The following COL6A2 variants were observed in gnomAD, a reference collection of about 807,000 sequenced individuals.
COL6A2 encodes the protein collagen alpha-2(VI) chain.
COL6A2 carries 90 observed loss-of-function variants against 124.9 expected under a neutral mutation model. The ratio of observed to expected loss-of-function variants is 0.72; its 90% CI spans 0.61 to 0.86. COL6A2 has a LOEUF of 0.86. Among genes scored for constraint, COL6A2 ranks in the 40% least tolerant of loss-of-function variants. The probability of loss-of-function intolerance (pLI) is 0.00; values close to 1 mark genes in which losing one functional copy is unlikely to be tolerated. For missense variants in COL6A2, 1,607 were observed against 1,502.5 expected, an observed-to-expected ratio of 1.07 and a Z score of -1.15; for synonymous variants, 793 against 618.2, an observed-to-expected ratio of 1.28 and a Z score of -4.19.
At chr21:46,129,241 C>A (rs376033133) in intron 27 of COL6A2, 1 of 1,612,826 alleles carries the variant, frequency 6.2e-7, no homozygotes, top group African/African-American at 1.3e-5. Flanking sequence ...TTCCTCCGCA[C>A]GGAAGAGGGG....
In COL6A2 at chr21:46,121,138, A is replaced by G. The variant is rs768959950; in HGVS notation, c.1458+15A>G. 6.2e-7 allele frequency: 1 copy of G among 1,612,376 alleles called. No individual in the cohort carries two copies. The highest frequency in any genetic ancestry group is 1.7e-5 in the Admixed American group (1 of 60,008). ...CCGGAAAGCAGGTCAGTGTCAGTGCAGGAGGCCGGTGCCCTCTGACCCCAC... is the reference window on the plus strand; with the variant it reads ...CCGGAAAGCAGGTCAGTGTCAGTGCGGGAGGCCGGTGCCCTCTGACCCCAC... On this transcript the variant is annotated intron_variant, in intron 17 of 27. Transcript: ENST00000300527.
rs182808615 is a variant in COL6A2 at position 46,119,999 on chromosome 21, A to C, written c.1332+149A>C. ...CACTCTCTGCAGAGTCTGGGAATGC[A>C]GCCCTGAGATCCCCACACCCCATTC... On this transcript the variant is annotated intron_variant, in intron 15 of 27. Coordinates refer to ENST00000300527, the MANE Select transcript of COL6A2 (RefSeq NM_001849.4). The C allele has an allele frequency of 3.6e-3, 2,711 of 756,314 alleles. 25 individuals are homozygous for C. The highest frequency in any genetic ancestry group is 4.0e-3 in the Non-Finnish European group (1,753 of 433,540). 46.9% of individuals were successfully genotyped at this position (756,314 alleles called of 1,614,324 possible). A position where few individuals can be genotyped will look rare whatever the true frequency, so the allele number is the denominator to read the frequency against.
chr21:46,128,757 A>T, intron 27 of COL6A2: 1 of 765,694 alleles, frequency 1.3e-6, no homozygotes, highest in Non-Finnish European at 2.4e-6. Context: ...TTCTGGGTGT[A>T]GAGGACTCAC....
intron 25 of COL6A2, 50 bp from the exon 26 acceptor site, chr21:46,125,735 G>A (rs774067544): frequency 5.1e-5 from 81 of 1,601,538 alleles, no homozygotes; most frequent in Non-Finnish European, 6.7e-5. Flanking sequence ...GGCTGGGGAT[G>A]CCCCAGACCC....
At position 46,132,218 on chromosome 21, in the gene COL6A2, A is replaced by C. The variant is rs1388870931; in HGVS notation, c.2726A>C (p.Gln909Pro). Reference sequence around the variant, plus strand: ...ATCCACGAGGCGCTGGAGACCACACAATACCTGAACTCCTTCTCGCACGTG... The same window carrying C: ...ATCCACGAGGCGCTGGAGACCACACCATACCTGAACTCCTTCTCGCACGTG... ...TAIHEALETT[Q>P]YLNSFSHVGA... Residue 909 changes from glutamine to proline, a missense_variant, in exon 28 of 28, where the codon CAA becomes CCA. Gln to Pro is a moderately conservative substitution (Grantham distance 76). Around this residue, in one of 3 missense-constraint regions of COL6A2, gnomAD observed 1,223 missense variants for 1,052.2 expected, o/e 1.16. Coordinates refer to ENST00000300527, the MANE Select transcript of COL6A2 (RefSeq NM_001849.4). 6 of 1,594,426 alleles carry C rather than the reference A, an allele frequency of 3.8e-6. No homozygotes were observed. The highest frequency in any genetic ancestry group is 1.7e-4 in the Middle Eastern group (1 of 6,042).
intron 27 of COL6A2, among the ~76,000 whole-genome samples, chr21:46,127,012 TC>T (rs2078680934): frequency 6.6e-6 from 1 of 152,158 alleles, no homozygotes; most frequent in Non-Finnish European, 1.5e-5. Flanking sequence ...GCTGCGGCTC[TC>T]ACATCTCTGG....
Position 46,121,083 on chromosome 21 carries a change from C to G in COL6A2, c.1418C>G (p.Pro473Arg). Residue 473 changes from proline (P) to arginine (R), a missense_variant, in exon 17 of 28, where the codon CCC becomes CGC. Physicochemically the swap from Pro to Arg is moderately radical, Grantham distance 103. This residue lies in a region of COL6A2 where 1,223 missense variants were observed against 1,052.2 expected (regional missense o/e 1.16). Coordinates refer to ENST00000300527, the MANE Select transcript of COL6A2 (RefSeq NM_001849.4). ...GAKGDRGLPG[P>R]RGPQGALGEP... The stretch of plus-strand genomic sequence containing the variant: ...CAGGGAGACCGAGGCTTGCCTGGAC[C>G]CAGAGGCCCCCAGGGAGCTCTTGGG... 6.2e-7 allele frequency: 1 copy of G among 1,612,774 alleles called. No homozygotes were observed. The highest frequency in any genetic ancestry group is 8.5e-7 in the Non-Finnish European group (1 of 1,179,948).
At chr21:46,124,299 G>A (rs78179479) in intron 21 of COL6A2, among the ~76,000 whole-genome samples, 146 of 148,296 alleles carry the variant, frequency 9.8e-4, no homozygotes, top group African/African-American at 3.2e-3. Context: ...GTGATTGGGC[G>A]AATGGGCGAA....
chr21:46,116,936 C>T lies in COL6A2; in HGVS notation c.999+122C>T, dbSNP rs2078481774. ...ATGTGTACACACGCATACACACACA[C>T]ACACACACACACACACACACGAACT... is the stretch of plus-strand genomic sequence containing the variant. On this transcript the variant is annotated intron_variant, in intron 10 of 27. Coordinates refer to ENST00000300527, the MANE Select transcript of COL6A2 (RefSeq NM_001849.4). This position sits in a 1 kb window ranked among gnomAD's most constrained non-coding sequence, Gnocchi z 4.6. 2 of 798,858 alleles carry T rather than the reference C, an allele frequency of 2.5e-6. No individual in the cohort carries two copies. Among genetic ancestry groups the T allele is most frequent in the African/African-American group, 2.0e-5 (1 of 51,032 alleles). The allele number at this position is 798,858 out of a possible 1,614,324, so 49.5% of individuals were successfully genotyped here.
Position 46,112,309 on chromosome 21 carries a change from G to T in COL6A2, c.446G>T (p.Arg149Leu), listed in dbSNP as rs143891262. ...ATGACGGAGCAGATCCGGCAGGACC[G>T]CAGCAAGGGCACCGTCCACTTCGCC... ...ANMTEQIRQD[R>L]SKGTVHFAVV... The change falls in exon 3 of 28, where the codon CGC (arginine) becomes CTC (leucine). Residue 149 changes from arginine to leucine, a missense_variant. Arg to Leu is a moderately radical substitution (Grantham distance 102). Coordinates refer to ENST00000300527, the MANE Select transcript of COL6A2 (RefSeq NM_001849.4). 6.2e-7 allele frequency: 1 copy of T among 1,611,874 alleles called. No individual in the cohort carries two copies. The highest frequency in any genetic ancestry group is 1.3e-5 in the African/African-American group (1 of 74,902).
chr21:46,120,652 G>A (rs761442217), intron 16 of COL6A2, 75 bp downstream of exon 16: 4 of 1,368,608 alleles, frequency 2.9e-6, no homozygotes, highest in Non-Finnish European at 3.9e-6. Context: ...CCCAAGGTAG[G>A]GTGGCCGGGA....
At chr21:46,123,238 C>T (rs2078595714) in intron 21 of COL6A2, among the ~76,000 whole-genome samples, 1 of 125,382 alleles carries the variant, frequency 8.0e-6, no homozygotes. Flanking sequence ...CCAGCATCCC[C>T]ACTACAGCAT....
chr21:46,123,869 AGATG>A (rs377185609), intron 21 of COL6A2, among the ~76,000 whole-genome samples: 1,933 of 50,584 alleles, frequency 0.038, 24 homozygotes, highest in Middle Eastern at 0.11. Context: ...GTGGGTTGGC[AGATG>A]GATGGATGGG....
At position 46,115,945 on chromosome 21, in the gene COL6A2, G is replaced by A. The variant is rs537470543; in HGVS notation, c.855+20G>A. ...AGACAGGTGAGTGTCCTTGCCCCACGCCCGCCCCGCCTGCAGCCCAGCGCC... is the reference window on the plus strand; with the variant it reads ...AGACAGGTGAGTGTCCTTGCCCCACACCCGCCCCGCCTGCAGCCCAGCGCC... On this transcript the variant is annotated intron_variant, in intron 6 of 27. Coordinates refer to ENST00000300527, the MANE Select transcript of COL6A2 (RefSeq NM_001849.4). 21 of 1,611,712 alleles carry A rather than the reference G, an allele frequency of 1.3e-5. No individual in the cohort carries two copies. The highest frequency in any genetic ancestry group is 4.4e-5 in the South Asian group (4 of 91,056).
chr21:46,118,871 A>G (rs987200356), intron 13 of COL6A2, among the ~76,000 whole-genome samples, 159 bp from the exon 14 acceptor site: 4 of 152,172 alleles, frequency 2.6e-5, no homozygotes, highest in Non-Finnish European at 5.9e-5. Context: ...CCTCCTCACG[A>G]GGCTGAACAA....
chr21:46,113,604 T>C (rs1328507145), intron 4 of COL6A2: 2 of 259,176 alleles, frequency 7.7e-6, no homozygotes, highest in African/African-American at 2.2e-5. Flanking sequence ...TATTGTTTTT[T>C]TGTAGAGATG....
At position 46,112,472 on chromosome 21, in the gene COL6A2, C is replaced by T; in HGVS notation, c.609C>T (p.Asp203=). Residue 203 remains aspartate (D), a synonymous_variant, in exon 3 of 28, where the codon GAC becomes GAT. Transcript: ENST00000300527. The part of the protein sequence containing the change: ...NQNLKEQGLR[D]IASTPHELYR... ...ACCTGAAGGAGCAGGGCCTGCGGGACATCGCCAGCACGCCGCACGAGCTCT... is the reference window on the plus strand; with the variant it reads ...ACCTGAAGGAGCAGGGCCTGCGGGATATCGCCAGCACGCCGCACGAGCTCT... 4 of 1,610,984 alleles carry T rather than the reference C, an allele frequency of 2.5e-6. No homozygotes were observed. Among genetic ancestry groups the T allele is most frequent in the South Asian group, 2.2e-5 (2 of 91,058 alleles).
intron 27 of COL6A2, among the ~76,000 whole-genome samples, chr21:46,128,355 A>G (rs996720149): frequency 2.8e-4 from 43 of 152,136 alleles, no homozygotes; most frequent in African/African-American, 1.0e-3. Flanking sequence ...GCTGTTTCCA[A>G]TTTCAAAGTG....
chr21:46,114,632 A>T (rs2078447542), intron 5 of COL6A2, among the ~76,000 whole-genome samples: 1 of 152,196 alleles, frequency 6.6e-6, no homozygotes. Context: ...AAAATGTGAG[A>T]TGCACTACAC....
Sources: gnomAD v4.1 joint callset for allele counts (sites outside exome capture counted in the v4.1 genomes callset) on GRCh38, gnomAD v4.1.1 for gene constraint, gnomAD v4.1.1 regional missense constraint, Gnocchi (gnomAD v3.1) non-coding constraint, MANE v1.5 for transcripts, NCBI Gene and HGNC (gene_info 2026-07-23, HGNC 2026-07-21) for gene names.